CNGB3: variants seen among roughly 807,000 people sequenced by gnomAD.
CNGB3 encodes the protein cyclic nucleotide-gated channel beta-3.
In CNGB3, 86 loss-of-function variants were observed where a neutral mutation model predicts 92.8. The ratio of observed to expected loss-of-function variants is 0.93; its 90% CI spans 0.78 to 1.11. The LOEUF (loss-of-function observed/expected upper bound fraction) is 1.11. Ranked by LOEUF, CNGB3 falls within the 50% of genes least tolerant of loss-of-function variation. The pLI, the probability that CNGB3 is intolerant of heterozygous loss-of-function variation, is 0.00. For missense variants in CNGB3, 1,026 were observed against 956.8 expected (o/e 1.07, Z -0.95); for synonymous variants, 333 against 332.7 (o/e 1.00, Z -0.01).
chr8:86,651,720 T>A (rs1370205656), intron 7 of CNGB3, among the ~76,000 whole-genome samples: 1 of 151,930 alleles, frequency 6.6e-6, no homozygotes, highest in Admixed American at 6.6e-5. Flanking sequence ...AATTTATTTC[T>A]CATTGAACTG....
chr8:86,589,533 G>A (rs1821978057), intron 15 of CNGB3, among the ~76,000 whole-genome samples: 1 of 151,950 alleles, frequency 6.6e-6, no homozygotes, highest in African/African-American at 2.4e-5. Flanking sequence ...ATTCTGGTAT[G>A]TTGCGTCTTT....
chr8:86,660,198 C>T, intron 6 of CNGB3: 1 of 300,108 alleles, frequency 3.3e-6, no homozygotes, highest in Non-Finnish European at 6.8e-6. Context: ...CTTTTTTGCT[C>T]TTGTACCTAC....
intron 3 of CNGB3, among the ~76,000 whole-genome samples, chr8:86,690,796 C>A (rs1824296440): frequency 6.6e-6 from 1 of 152,046 alleles, no homozygotes; most frequent in Non-Finnish European, 1.5e-5. Context: ...GTTTTCCCAG[C>A]ACCATTTATT....
At chr8:86,639,937 G>A (rs1204427830) in intron 10 of CNGB3, among the ~76,000 whole-genome samples, 1 of 151,972 alleles carries the variant, frequency 6.6e-6, no homozygotes, top group Non-Finnish European at 1.5e-5. Context: ...TGATAACAAG[G>A]CTGTGGAATT....
At chr8:86,680,608 T>A (rs1374426475) in intron 3 of CNGB3, among the ~76,000 whole-genome samples, 3 of 152,108 alleles carry the variant, frequency 2.0e-5, no homozygotes, top group African/African-American at 7.2e-5. Flanking sequence ...GAGAGGGAAT[T>A]TGGACTAGAG....
intron 3 of CNGB3, among the ~76,000 whole-genome samples, chr8:86,684,197 A>G (rs1824138132): frequency 6.6e-6 from 1 of 152,210 alleles, no homozygotes; most frequent in South Asian, 2.1e-4. Flanking sequence ...ACATGAACAG[A>G]CATTTCACGG....
chr8:86,575,893 GA>G lies in CNGB3; in HGVS notation c.2340del (p.Arg781ValfsTer48), dbSNP rs1563711196. The G allele has an allele frequency of 1.2e-6, 2 of 1,613,258 alleles. No individual in the cohort carries two copies. Among genetic ancestry groups the G allele is most frequent in the East Asian group, 2.2e-5 (1 of 44,862 alleles). ...VRRTVLPRGT[S>X]RQSLIISMAP... Reference sequence around the variant, plus strand: ...GCCATGCTGATAATGAGTGATTGACGAGAAGTCCCTCTGGGTAAAACTGTCC... The same window carrying G: ...GCCATGCTGATAATGAGTGATTGACGGAAGTCCCTCTGGGTAAAACTGTCC... On this transcript the variant is annotated frameshift_variant, in exon 18 of 18. Transcript: ENST00000320005. LOFTEE classifies it high-confidence loss of function.
At chr8:86,729,033 C>G (rs1347978542) in intron 2 of CNGB3, among the ~76,000 whole-genome samples, 1 of 152,120 alleles carries the variant, frequency 6.6e-6, no homozygotes, top group Non-Finnish European at 1.5e-5. Context: ...ACCTCAGCCT[C>G]ACGGATCGCT....
chr8:86,661,064 G>C (rs1823631637), intron 6 of CNGB3: 2 of 227,852 alleles, frequency 8.8e-6, no homozygotes, highest in South Asian at 6.0e-5. Context: ...GTTTGGCCTT[G>C]GTTCTTCATT....
At chr8:86,729,221 C>G (rs1300916108) in intron 2 of CNGB3, among the ~76,000 whole-genome samples, 1 of 152,156 alleles carries the variant, frequency 6.6e-6, no homozygotes, top group Non-Finnish European at 1.5e-5. Context: ...TATAAAGCCA[C>G]ATGGATATAA....
At chr8:86,626,576 C>T (rs1312003516) in intron 12 of CNGB3, among the ~76,000 whole-genome samples, 1 of 152,160 alleles carries the variant, frequency 6.6e-6, no homozygotes, top group African/African-American at 2.4e-5. Flanking sequence ...CTCATTCCTA[C>T]TTTGCAGAAA....
intron 3 of CNGB3, among the ~76,000 whole-genome samples, chr8:86,694,391 T>G (rs1824400584): frequency 1.4e-5 from 2 of 143,566 alleles, no homozygotes; most frequent in South Asian, 2.3e-4. Context: ...GTGGCTGGCC[T>G]GGCGGGGGCT....
intron 15 of CNGB3, among the ~76,000 whole-genome samples, chr8:86,582,071 G>T (rs1821797420): frequency 1.1e-5 from 1 of 88,928 alleles, no homozygotes; most frequent in African/African-American, 3.2e-5. Flanking sequence ...ATAAGCAGCA[G>T]AAATAGACGA....
chr8:86,600,553 A>G (rs1417303032), intron 15 of CNGB3, among the ~76,000 whole-genome samples: 1 of 151,954 alleles, frequency 6.6e-6, no homozygotes, highest in Non-Finnish European at 1.5e-5. Flanking sequence ...CACTTAGTAT[A>G]TAGTGTTTAC....
intron 17 of CNGB3, among the ~76,000 whole-genome samples, chr8:86,576,967 T>C (rs556349645): frequency 3.7e-4 from 56 of 152,332 alleles, no homozygotes; most frequent in African/African-American, 1.3e-3. Context: ...CTTTATAATA[T>C]GTGCTTTACT....
In CNGB3 at chr8:86,575,966, A is replaced by T. The variant is rs1821649478; in HGVS notation, c.2268T>A (p.Cys756Ter). The T allele has an allele frequency of 6.2e-7, 1 of 1,614,194 alleles. No individual in the cohort carries two copies. The highest frequency in any genetic ancestry group is 8.5e-7 in the Non-Finnish European group (1 of 1,180,026). The stretch of plus-strand genomic sequence containing the variant: ...CCTCCACTGCAATAGGACTTGCTGT[A>T]CATTCAGGTCTGTCCAGTGGCTTCT... ...PEEKPLDRPE[C>*]TASPIAVEEE... The change falls in exon 18 of 18, where the codon TGT becomes TGA. Residue 756 changes from cysteine to a stop codon, truncating the protein, a stop_gained. Coordinates refer to ENST00000320005, the MANE Select transcript of CNGB3 (RefSeq NM_019098.5). LOFTEE classifies it low-confidence loss of function (END_TRUNC).
chr8:86,665,370 A>G (rs934988524), intron 6 of CNGB3, among the ~76,000 whole-genome samples: 12 of 152,228 alleles, frequency 7.9e-5, no homozygotes, highest in African/African-American at 2.9e-4. Context: ...GATTTCTCAA[A>G]AAACTTAAAA....
At chr8:86,681,136 C>A (rs899772293) in intron 3 of CNGB3, among the ~76,000 whole-genome samples, 1 of 152,042 alleles carries the variant, frequency 6.6e-6, no homozygotes, top group Non-Finnish European at 1.5e-5. Context: ...TTAAAAACCC[C>A]AGTATCTAAA....
At chr8:86,636,572 CAAAAAAAA>C (rs57907634) in intron 10 of CNGB3, among the ~76,000 whole-genome samples, 4 of 40,098 alleles carry the variant, frequency 1.0e-4, no homozygotes, top group African/African-American at 2.2e-4. Context: ...GACCCTGTCT[CAAAAAAAA>C]AAAAAAAAAA....
Sources: allele counts gnomAD v4.1 joint callset (sites outside exome capture counted in the v4.1 genomes callset), GRCh38; gene constraint gnomAD v4.1.1; transcripts MANE v1.5; gene names NCBI Gene and HGNC (gene_info 2026-07-23, HGNC 2026-07-21).